The following VANGL1 variants were observed in gnomAD, a reference collection of about 807,000 sequenced individuals.
VANGL1 encodes VANGL planar cell polarity protein 1.
VANGL1 carries 18 observed loss-of-function variants against 48.4 expected under a neutral mutation model. The observed-to-expected ratio is 0.37, with a 90% CI of 0.26 to 0.55. VANGL1 has a LOEUF of 0.55. VANGL1 is among the 20% of genes least tolerant of loss of function. VANGL1 has a pLI of 0.81. For missense variants in VANGL1, 667 were observed against 675.8 expected, an observed-to-expected ratio of 0.99 and a Z score of 0.14; for synonymous variants, 257 against 261.8, an observed-to-expected ratio of 0.98 and a Z score of 0.18.
chr1:115,686,468 AG>A lies in VANGL1; in HGVS notation c.1314+942del, dbSNP rs779814770. On this transcript the variant is annotated intron_variant, in intron 7 of 7. Transcript: ENST00000355485. ...AGATTATGATATTTAGGACACTTTA[AG>A]AAGTGTTACAAGAAACAGCCATGTA... 5.6e-4 allele frequency among the ~76,000 whole-genome samples: 85 copies of A among 152,088 alleles called. 1 individual carries two copies. Among genetic ancestry groups the A allele is most frequent in the Non-Finnish European group, 8.5e-4 (58 of 67,978 alleles).
At chr1:115,658,660 G>C (rs1195477454) in intron 2 of VANGL1, among the ~76,000 whole-genome samples, 1 of 152,166 alleles carries the variant, frequency 6.6e-6, no homozygotes, top group Non-Finnish European at 1.5e-5. Context: ...AGGTGGCTGT[G>C]GGGGCAGGAG....
intron 5 of VANGL1, among the ~76,000 whole-genome samples, chr1:115,682,734 C>T (rs574008303): frequency 6.6e-6 from 1 of 152,266 alleles, no homozygotes; most frequent in South Asian, 2.1e-4. Context: ...AAAACAGCAG[C>T]GGTGTGTGTT....
At chr1:115,664,300 T>C in intron 4 of VANGL1, 32 bp downstream of exon 4, 1 of 1,609,222 alleles carries the variant, frequency 6.2e-7, no homozygotes, top group East Asian at 2.2e-5. Flanking sequence ...GCAGAAAGGA[T>C]GGCTGATGTC....
intron 1 of VANGL1, among the ~76,000 whole-genome samples, chr1:115,650,779 A>T (rs1015343042): frequency 1.3e-5 from 2 of 152,024 alleles, no homozygotes; most frequent in Non-Finnish European, 2.9e-5. Context: ...TTTAAAAAAG[A>T]AATCAGTTCC....
rs1654079435 is a variant in VANGL1 at position 115,697,637 on chromosome 1, G to A, written c.*6258G>A. The A allele has an allele frequency of 6.6e-6, 1 of 152,180 alleles. No homozygotes were observed. The highest frequency in any genetic ancestry group is 2.1e-4 in the South Asian group (1 of 4,830). The allele number at this position is 152,180 out of a possible 1,614,324, so 9.4% of individuals were successfully genotyped here. A position where few individuals can be genotyped will look rare whatever the true frequency, so the allele number is the denominator to read the frequency against. Reference sequence around the variant, plus strand: ...AACCAGAGAGGCCTGGGCCAGGCAGGTCTTATTTGAGAGGAGATTATTTGA... The same window carrying A: ...AACCAGAGAGGCCTGGGCCAGGCAGATCTTATTTGAGAGGAGATTATTTGA... On this transcript the variant is annotated 3_prime_UTR_variant, in exon 8 of 8. Transcript: ENST00000355485.
intron 4 of VANGL1, among the ~76,000 whole-genome samples, chr1:115,674,890 C>G (rs548214375): frequency 1.2e-4 from 18 of 152,212 alleles, no homozygotes; most frequent in Non-Finnish European, 2.6e-4. Flanking sequence ...GCAGAAGCCA[C>G]AATCAAGTTC....
At chr1:115,644,364 G>T (rs978043683) in intron 1 of VANGL1, among the ~76,000 whole-genome samples, 1 of 152,192 alleles carries the variant, frequency 6.6e-6, no homozygotes, top group South Asian at 2.1e-4. Flanking sequence ...ACTAGAAACT[G>T]TTAGACTATT....
At chr1:115,668,508 T>C (rs1290944322) in intron 4 of VANGL1, among the ~76,000 whole-genome samples, 1 of 152,212 alleles carries the variant, frequency 6.6e-6, no homozygotes, top group Non-Finnish European at 1.5e-5. Flanking sequence ...TTTAACTTCC[T>C]ATACTTCACA....
At position 115,687,986 on chromosome 1, in the gene VANGL1, A is replaced by G. The variant is rs188465214; in HGVS notation, c.1314+2459A>G. Among the ~76,000 whole-genome samples, 6 of 134,136 alleles carry G rather than the reference A, an allele frequency of 4.5e-5. 2 individuals are homozygous for G. Among genetic ancestry groups the G allele is most frequent in the Non-Finnish European group, 9.6e-5 (6 of 62,210 alleles). The allele number at this position is 134,136 out of a possible 152,430, so 88.0% of individuals were successfully genotyped here. ...GATAGATAGATAGATAGATAGATAGATAGACACATAGATAGATACATAGAT... is the reference window on the plus strand; with the variant it reads ...GATAGATAGATAGATAGATAGATAGGTAGACACATAGATAGATACATAGAT... On this transcript the variant is annotated intron_variant, in intron 7 of 7. Transcript: ENST00000355485.
intron 4 of VANGL1, among the ~76,000 whole-genome samples, chr1:115,668,974 T>C (rs1652885041): frequency 6.6e-6 from 1 of 152,238 alleles, no homozygotes; most frequent in Admixed American, 6.5e-5. Context: ...AGACAGAGGC[T>C]ACTAGGATGT....
Position 115,692,300 on chromosome 1 carries a change from C to T in VANGL1, c.*921C>T, listed in dbSNP as rs532280468. ...TTTCCTCCCCACTGTTCTACACCAA[C>T]CAGGGGAGACTAACACTGTGACTCT... On this transcript the variant is annotated 3_prime_UTR_variant, in exon 8 of 8. Transcript: ENST00000355485. The T allele has an allele frequency of 2.0e-5, 3 of 152,756 alleles. No homozygotes were observed. The highest frequency in any genetic ancestry group is 7.2e-5 in the African/African-American group (3 of 41,460). The allele number at this position is 152,756 out of a possible 1,614,324, so 9.5% of individuals were successfully genotyped here.
chr1:115,656,938 C>A (rs905704447), intron 2 of VANGL1, among the ~76,000 whole-genome samples: 1 of 152,106 alleles, frequency 6.6e-6, no homozygotes, highest in Non-Finnish European at 1.5e-5. Context: ...TGGCTGGTGG[C>A]CGAGAGAGTG....
intron 2 of VANGL1, among the ~76,000 whole-genome samples, chr1:115,658,715 A>T (rs1461749185): frequency 3.9e-5 from 6 of 151,912 alleles, no homozygotes; most frequent in African/African-American, 1.5e-4. Context: ...TAGGTGGGGG[A>T]TTCTGGGTTT....
At chr1:115,659,205 A>T (rs1004493128) in intron 2 of VANGL1, among the ~76,000 whole-genome samples, 3 of 152,048 alleles carry the variant, frequency 2.0e-5, no homozygotes, top group African/African-American at 7.3e-5. Flanking sequence ...TCTACAAAAA[A>T]ATAGATATTT....
rs1652667775 is a variant in VANGL1 at position 115,663,913 on chromosome 1, T to C, written c.457T>C (p.Phe153Leu). 6.2e-7 allele frequency: 1 copy of C among 1,614,124 alleles called. No homozygotes were observed. Among genetic ancestry groups the C allele is most frequent in the African/African-American group, 1.3e-5 (1 of 74,944 alleles). ...EPCGTICEGL[F>L]ISMAFKLLIL... ...TTGTGGCACAATTTGTGAGGGGCTCTTTATCTCCATGGCATTCAAACTCCT... is the reference window on the plus strand; with the variant it reads ...TTGTGGCACAATTTGTGAGGGGCTCCTTATCTCCATGGCATTCAAACTCCT... The change falls in exon 4 of 8, where the codon TTT (phenylalanine) becomes CTT (leucine). Residue 153 changes from phenylalanine (F) to leucine (L), a missense_variant. Coordinates refer to ENST00000355485, the MANE Select transcript of VANGL1 (RefSeq NM_138959.3).
intron 3 of VANGL1, among the ~76,000 whole-genome samples, chr1:115,662,377 G>A (rs2101002904): frequency 6.6e-6 from 1 of 152,308 alleles, no homozygotes; most frequent in South Asian, 2.1e-4. Context: ...CGAGTGAAAG[G>A]ATACATACAA....
chr1:115,658,240 GT>G (rs1230967642), intron 2 of VANGL1, among the ~76,000 whole-genome samples: 1 of 152,210 alleles, frequency 6.6e-6, no homozygotes, highest in East Asian at 1.9e-4. Context: ...TAAGGTCGAA[GT>G]TTGACAAGAA....
At position 115,693,490 on chromosome 1, in the gene VANGL1, C is replaced by T. The variant is rs1653925339; in HGVS notation, c.*2111C>T. On this transcript the variant is annotated 3_prime_UTR_variant, in exon 8 of 8. Transcript: ENST00000355485. ...TTCATTTGCTCTGGCATGTGCATTC[C>T]CAGCAGGGTGAAGAAAGGTTTAAAT... is the stretch of plus-strand genomic sequence containing the variant. The T allele has an allele frequency of 3.3e-5, 5 of 152,600 alleles. No homozygotes were observed. The highest frequency in any genetic ancestry group is 1.2e-4 in the African/African-American group (5 of 41,432). The allele number at this position is 152,600 out of a possible 1,614,324, so 9.5% of individuals were successfully genotyped here.
At chr1:115,651,977 G>A (rs186255025) in intron 2 of VANGL1, among the ~76,000 whole-genome samples, 112 of 152,158 alleles carry the variant, frequency 7.4e-4, no homozygotes, top group Admixed American at 1.4e-3. Flanking sequence ...GGATGGTCTC[G>A]ATCTGACCTT....
Sources: allele counts gnomAD v4.1 joint callset (sites outside exome capture counted in the v4.1 genomes callset), GRCh38; gene constraint gnomAD v4.1.1; transcripts MANE v1.5; gene names NCBI Gene and HGNC (gene_info 2026-07-23, HGNC 2026-07-21).